The following RGS6 variants were observed in gnomAD, a reference collection of about 807,000 sequenced individuals.
RGS6 encodes regulator of G protein signaling 6, also known as regulator of G-protein signaling 6.
RGS6 carries 30 observed loss-of-function variants against 78.5 expected under a neutral mutation model. The observed-to-expected ratio is 0.38, with a 90% CI of 0.29 to 0.52. RGS6 has a LOEUF of 0.52. Ranked by LOEUF, RGS6 falls within the 20% of genes least tolerant of loss-of-function variation. The pLI is 0.85. For synonymous variants in RGS6, 206 were observed against 206.0 expected, an observed-to-expected ratio of 1.00 and a Z score of 0.00; for missense variants, 495 against 609.7, an observed-to-expected ratio of 0.81 and a Z score of 1.98.
chr14:72,109,875 C>G (rs190405639), intron 2 of RGS6, among the ~76,000 whole-genome samples: 36 of 152,242 alleles, frequency 2.4e-4, no homozygotes, highest in Admixed American at 1.6e-3. Flanking sequence ...AGTGACTTTC[C>G]CAATACCACA....
chr14:72,072,562 G>T (rs1306150633), intron 2 of RGS6, among the ~76,000 whole-genome samples: 1 of 152,016 alleles, frequency 6.6e-6, no homozygotes, highest in Non-Finnish European at 1.5e-5. Flanking sequence ...ACCTGCCCCG[G>T]CCTCCCAAAG....
intron 1 of RGS6, among the ~76,000 whole-genome samples, chr14:71,960,292 A>G (rs766594622): frequency 2.0e-5 from 3 of 152,192 alleles, no homozygotes; most frequent in Non-Finnish European, 2.9e-5. Context: ...TAAATTGCTT[A>G]TGAATTCCAG....
At chr14:72,061,195 G>C (rs2093876345) in intron 2 of RGS6, among the ~76,000 whole-genome samples, 1 of 152,198 alleles carries the variant, frequency 6.6e-6, no homozygotes, top group Non-Finnish European at 1.5e-5. Context: ...GTGAAAGCGA[G>C]TGTTGAGATG....
chr14:72,201,343 A>G (rs2041535437), intron 2 of RGS6, among the ~76,000 whole-genome samples: 1 of 152,206 alleles, frequency 6.6e-6, no homozygotes, highest in African/African-American at 2.4e-5. Flanking sequence ...GAATCTGCAC[A>G]GTGGCAGGTA....
chr14:72,396,723 A>C (rs538392499), intron 3 of RGS6, among the ~76,000 whole-genome samples: 1 of 152,076 alleles, frequency 6.6e-6, no homozygotes, highest in Admixed American at 6.5e-5. Context: ...ATTTTTGTAT[A>C]AGGTGTAAGG....
chr14:72,075,310 C>T (rs2094537559), intron 2 of RGS6, among the ~76,000 whole-genome samples: 1 of 152,132 alleles, frequency 6.6e-6, no homozygotes, highest in South Asian at 2.1e-4. Flanking sequence ...GACTCGGTTT[C>T]CTTATTTCCT....
At chr14:72,039,599 T>G (rs1245661314) in intron 2 of RGS6, among the ~76,000 whole-genome samples, 1 of 152,208 alleles carries the variant, frequency 6.6e-6, no homozygotes, top group Non-Finnish European at 1.5e-5. Context: ...AAAGGGAATC[T>G]CTTGTATACA....
At chr14:72,339,190 C>A (rs1169387241) in intron 2 of RGS6, among the ~76,000 whole-genome samples, 1 of 152,058 alleles carries the variant, frequency 6.6e-6, no homozygotes, top group Non-Finnish European at 1.5e-5. Context: ...GGGGTGGGGC[C>A]CTTGGAGGTG....
intron 2 of RGS6, among the ~76,000 whole-genome samples, chr14:72,086,440 T>C (rs1448335581): frequency 6.6e-6 from 1 of 152,254 alleles, no homozygotes; most frequent in East Asian, 1.9e-4. Flanking sequence ...GCTGGGCATT[T>C]TTGTAATACT....
chr14:71,911,258 G>A, the RGS6 span, among the ~76,000 whole-genome samples: 1 of 152,236 alleles, frequency 6.6e-6, no homozygotes, highest in Admixed American at 6.5e-5. Flanking sequence ...CGGGACTAGA[G>A]GGTAACAGTT....
At chr14:71,891,433 TAC>T in the RGS6 span, among the ~76,000 whole-genome samples, 1 of 152,196 alleles carries the variant, frequency 6.6e-6, no homozygotes, top group African/African-American at 2.4e-5. Flanking sequence ...CAAGGGCACC[TAC>T]ACTTGGCCTC....
intron 2 of RGS6, among the ~76,000 whole-genome samples, chr14:72,048,786 T>C (rs894912389): frequency 6.6e-6 from 1 of 152,160 alleles, no homozygotes; most frequent in Non-Finnish European, 1.5e-5. Context: ...TTTTTTAAAC[T>C]TTTAAATTTC....
intron 2 of RGS6, among the ~76,000 whole-genome samples, chr14:72,237,324 T>C (rs1209628928): frequency 6.6e-6 from 1 of 152,198 alleles, no homozygotes; most frequent in Non-Finnish European, 1.5e-5. Flanking sequence ...CTTATGCAAG[T>C]CTTTTTGTAG....
chr14:72,126,930 T>C (rs1026612745), intron 2 of RGS6, among the ~76,000 whole-genome samples: 3 of 149,166 alleles, frequency 2.0e-5, no homozygotes, highest in African/African-American at 5.2e-5. Flanking sequence ...TCATCTCATC[T>C]CGCAGCTTTA....
intron 2 of RGS6, among the ~76,000 whole-genome samples, chr14:72,248,195 C>G (rs2054710479): frequency 6.6e-6 from 1 of 152,140 alleles, no homozygotes; most frequent in African/African-American, 2.4e-5. Context: ...TTGCCTTTTT[C>G]TCTCTCCTAA....
chr14:71,931,490 C>T (rs2087859920), upstream of RGS6, among the ~76,000 whole-genome samples: 1 of 152,180 alleles, frequency 6.6e-6, no homozygotes, highest in Non-Finnish European at 1.5e-5. Flanking sequence ...AGACTTTACT[C>T]TTTAACTTCT....
intron 3 of RGS6, among the ~76,000 whole-genome samples, chr14:72,368,484 A>G (rs981962657): frequency 6.6e-6 from 1 of 152,194 alleles, no homozygotes; most frequent in Non-Finnish European, 1.5e-5. Flanking sequence ...TCCAGATTAG[A>G]AAACCAAAGA....
intron 2 of RGS6, among the ~76,000 whole-genome samples, chr14:72,124,234 A>G (rs1383164161): frequency 3.3e-5 from 5 of 152,168 alleles, no homozygotes; most frequent in African/African-American, 1.2e-4. Flanking sequence ...AGCTTTCGAT[A>G]TTAGTTATAA....
chr14:72,042,110 CCTTTTT>C (rs1215966381), intron 2 of RGS6, among the ~76,000 whole-genome samples: 16 of 148,190 alleles, frequency 1.1e-4, no homozygotes, highest in Non-Finnish European at 1.8e-4. Context: ...CTAATACTTT[CCTTTTT>C]CTTTTTCTTT....
Sources: allele counts gnomAD v4.1 joint callset (sites outside exome capture counted in the v4.1 genomes callset), GRCh38; gene constraint gnomAD v4.1.1; transcripts MANE v1.5; gene names NCBI Gene and HGNC (gene_info 2026-07-23, HGNC 2026-07-21).